The following MYZAP variants were observed in gnomAD, a reference collection of about 807,000 sequenced individuals.
MYZAP encodes the protein myocardial zonula adherens protein.
MYZAP carries 66 observed loss-of-function variants against 69.4 expected under a neutral mutation model. The ratio of observed to expected loss-of-function variants is 0.95; its 90% CI spans 0.78 to 1.17. The LOEUF (loss-of-function observed/expected upper bound fraction) is 1.17, where lower values mean the gene tolerates loss of function less well. MYZAP is among the 50% of genes most tolerant of loss of function. The probability of loss-of-function intolerance (pLI) is 0.00; values close to 1 mark genes in which losing one functional copy is unlikely to be tolerated. For synonymous variants in MYZAP, 256 were observed against 205.9 expected, an observed-to-expected ratio of 1.24 and a Z score of -2.09; for missense variants, 611 against 556.2, an observed-to-expected ratio of 1.10 and a Z score of -0.99.
At chr15:57,612,955 G>A (rs990089933) in intron 2 of MYZAP, among the ~76,000 whole-genome samples, 19 of 151,136 alleles carry the variant, frequency 1.3e-4, no homozygotes, top group South Asian at 4.2e-4. Context: ...TTTCCGAGAC[G>A]GAGTCTCGCT....
At chr15:57,594,330 G>T (rs2033917604) in intron 1 of MYZAP, among the ~76,000 whole-genome samples, 1 of 152,164 alleles carries the variant, frequency 6.6e-6, no homozygotes, top group Non-Finnish European at 1.5e-5. Context: ...TGGCCAGCCT[G>T]GTCTTGAACT....
rs571887517 is a variant in MYZAP, at chr15:57,666,401, T to A, written c.1203+4868T>A. Among the ~76,000 whole-genome samples, 10 of 152,290 alleles carry A rather than the reference T, an allele frequency of 6.6e-5. 1 individual carries two copies. Among genetic ancestry groups the A allele is most frequent in the African/African-American group, 2.4e-4 (10 of 41,568 alleles). On this transcript the variant is annotated intron_variant, in intron 11 of 12. Coordinates refer to ENST00000267853, the MANE Select transcript of MYZAP (RefSeq NM_001018100.5). Reference sequence around the variant, plus strand: ...CACTCTAGAACCCTTCTTCTTTTCTTTTAAAACAGAGAATATGGATTATTT... The same window carrying A: ...CACTCTAGAACCCTTCTTCTTTTCTATTAAAACAGAGAATATGGATTATTT...
rs756857970 is a variant in MYZAP at position 57,639,943 on chromosome 15, A to G, written c.1119+398A>G. Among the ~76,000 whole-genome samples the G allele has an allele frequency of 9.9e-5, 15 of 151,210 alleles. No homozygotes were observed. The East Asian group carries it at 2.5e-3, about 26-fold the overall frequency. ...CTGTCTCTCTCTCTCTCTCTCAGCTACCATTCTTGTCCTTTATCGTTTTCT... is the reference window on the plus strand; with the variant it reads ...CTGTCTCTCTCTCTCTCTCTCAGCTGCCATTCTTGTCCTTTATCGTTTTCT... On this transcript the variant is annotated intron_variant, in intron 10 of 12. Transcript: ENST00000267853.
intron 10 of MYZAP, among the ~76,000 whole-genome samples, chr15:57,651,045 A>G (rs774028725): frequency 6.6e-6 from 1 of 152,200 alleles, no homozygotes; most frequent in Non-Finnish European, 1.5e-5. Flanking sequence ...TATGAGCTCC[A>G]GAGTGGTGGC....
At chr15:57,681,934 C>G (rs1367899266) in intron 12 of MYZAP, among the ~76,000 whole-genome samples, 1 of 152,180 alleles carries the variant, frequency 6.6e-6, no homozygotes, top group East Asian at 1.9e-4. Flanking sequence ...AATACATCCT[C>G]TATCACCTGG....
At chr15:57,650,593 C>T (rs1296410891) in intron 10 of MYZAP, among the ~76,000 whole-genome samples, 1 of 152,146 alleles carries the variant, frequency 6.6e-6, no homozygotes, top group Non-Finnish European at 1.5e-5. Context: ...GATTCAGTTT[C>T]CTTATCAATA....
intron 11 of MYZAP, among the ~76,000 whole-genome samples, chr15:57,669,514 C>G (rs755668082): frequency 1.9e-4 from 29 of 151,250 alleles, no homozygotes; most frequent in Non-Finnish European, 2.6e-4. Flanking sequence ...GTCTCTGTCT[C>G]TCTTTCTCTT....
At chr15:57,599,383 T>A in intron 1 of MYZAP, 19 of 857,678 alleles carry the variant, frequency 2.2e-5, no homozygotes, top group Non-Finnish European at 2.6e-5. Context: ...CGTCGTACCC[T>A]CATAGTCCCT....
At chr15:57,669,623 GCTTT>G (rs1264211628) in intron 11 of MYZAP, among the ~76,000 whole-genome samples, 1 of 152,036 alleles carries the variant, frequency 6.6e-6, no homozygotes. Context: ...TTGCTTGTCT[GCTTT>G]CTATTTTATT....
Position 57,618,134 on chromosome 15 carries a change from G to T in MYZAP, c.264G>T (p.Val88=). 1 of 1,614,174 alleles carries T rather than the reference G, an allele frequency of 6.2e-7. No individual in the cohort carries two copies. Among genetic ancestry groups the T allele is most frequent in the Non-Finnish European group, 8.5e-7 (1 of 1,180,030 alleles). ...ATCAAAATCAGCAGAAAGAAATGGT[G>T]GTGTATGGGTGGTCCACCAGTCAGC... ...RSDQNQQKEM[V]VYGWSTSQLK... The change falls in exon 3 of 13, where the codon GTG becomes GTT. Residue 88 remains valine (V), a synonymous_variant. Transcript: ENST00000267853.
At chr15:57,652,755 T>C (rs1397519391) in intron 10 of MYZAP, among the ~76,000 whole-genome samples, 1 of 152,146 alleles carries the variant, frequency 6.6e-6, no homozygotes, top group Non-Finnish European at 1.5e-5. Context: ...GAAGGTTCTG[T>C]CCCTGACCCA....
Position 57,591,998 on chromosome 15 carries a change from C to G in MYZAP, c.-37C>G, listed in dbSNP as rs2033695900. On this transcript the variant is annotated 5_prime_UTR_variant, in exon 1 of 13. Transcript: ENST00000267853. ...GCACGCTTATTCTGCCCGGGAGGAA[C>G]GCCGGCGTCCAGCCCGCTACCGACC... 1.4e-6 allele frequency: 2 copies of G among 1,414,594 alleles called. No individual in the cohort carries two copies. Among genetic ancestry groups the G allele is most frequent in the Non-Finnish European group, 1.8e-6 (2 of 1,087,050 alleles). The allele number at this position is 1,414,594 out of a possible 1,614,324, so 87.6% of individuals were successfully genotyped here. A position where few individuals can be genotyped will look rare whatever the true frequency, so the allele number is the denominator to read the frequency against.
At chr15:57,665,620 G>T (rs1306665269) in intron 11 of MYZAP, among the ~76,000 whole-genome samples, 3 of 152,130 alleles carry the variant, frequency 2.0e-5, no homozygotes, top group Non-Finnish European at 4.4e-5. Context: ...TCTGCTTCTT[G>T]AGCTACGGGT....
chr15:57,629,554 T>A (rs2036370459), intron 5 of MYZAP, 148 bp from the exon 6 acceptor site: 1 of 1,141,102 alleles, frequency 8.8e-7, no homozygotes, highest in South Asian at 1.7e-5. Flanking sequence ...CCACAGTCCC[T>A]CACAGCACAG....
At chr15:57,599,812 T>G (rs1002904429) in intron 1 of MYZAP, 3 of 785,390 alleles carry the variant, frequency 3.8e-6, no homozygotes, top group African/African-American at 1.8e-5. Context: ...TTATGGGTGG[T>G]TCAGGGGTTA....
intron 6 of MYZAP, 50 bp downstream of exon 6, chr15:57,629,904 A>T (rs1436929271): frequency 1.0e-5 from 16 of 1,577,432 alleles, no homozygotes; most frequent in Non-Finnish European, 1.3e-5. Context: ...TCTCCTCTTT[A>T]CTTCTCCCTT....
At chr15:57,660,223 G>A (rs1428732784) in intron 10 of MYZAP, among the ~76,000 whole-genome samples, 1 of 152,082 alleles carries the variant, frequency 6.6e-6, no homozygotes, top group African/African-American at 2.4e-5. Flanking sequence ...AAATGGAATT[G>A]CTGAGTCAAA....
At chr15:57,607,667 G>A (rs1014546722) in intron 2 of MYZAP, among the ~76,000 whole-genome samples, 1 of 152,166 alleles carries the variant, frequency 6.6e-6, no homozygotes, top group Non-Finnish European at 1.5e-5. Flanking sequence ...CTTACACCAG[G>A]TGGACCAGGC....
intron 11 of MYZAP, among the ~76,000 whole-genome samples, chr15:57,672,069 C>A (rs1362815013): frequency 6.6e-6 from 1 of 152,176 alleles, no homozygotes; most frequent in East Asian, 1.9e-4. Flanking sequence ...GTTCTTTAAA[C>A]ATTAGCTGCA....
Sources: gnomAD v4.1 joint callset for allele counts (sites outside exome capture counted in the v4.1 genomes callset) on GRCh38, gnomAD v4.1.1 for gene constraint, MANE v1.5 for transcripts, NCBI Gene and HGNC (gene_info 2026-07-23, HGNC 2026-07-21) for gene names.